Variants in MSH3 observed in about 807,000 individuals in gnomAD.
MSH3 encodes the protein DNA mismatch repair protein Msh3.
A neutral mutation model predicts 123.3 loss-of-function variants in MSH3; 106 were observed. The ratio of observed to expected loss-of-function variants is 0.86; its 90% CI spans 0.73 to 1.01. The LOEUF is 1.01. Ranked by LOEUF, MSH3 falls within the 50% of genes least tolerant of loss-of-function variation. MSH3 has a pLI of 0.00. For synonymous variants in MSH3, 515 were observed against 481.4 expected, an observed-to-expected ratio of 1.07 and a Z score of -0.91; for missense variants, 1,459 against 1,347.6, an observed-to-expected ratio of 1.08 and a Z score of -1.29.
At chr5:80,760,513 C>T (rs570418185) in intron 12 of MSH3, among the ~76,000 whole-genome samples, 75 of 152,252 alleles carry the variant, frequency 4.9e-4, no homozygotes, top group Admixed American at 1.2e-3. Flanking sequence ...AATCTTTGGT[C>T]AGGGTCAATA....
intron 8 of MSH3, among the ~76,000 whole-genome samples, chr5:80,716,571 T>A (rs1008990186): frequency 1.3e-5 from 2 of 152,118 alleles, no homozygotes; most frequent in Non-Finnish European, 2.9e-5. Flanking sequence ...AACACCTTTT[T>A]TGAGAAACTT....
At chr5:80,689,294 A>G (rs540538868) in intron 8 of MSH3, among the ~76,000 whole-genome samples, 2 of 152,170 alleles carry the variant, frequency 1.3e-5, no homozygotes, top group Non-Finnish European at 2.9e-5. Context: ...TACTTTATTT[A>G]GATGTTTCTC....
chr5:80,788,745 G>C (rs1561478970), intron 18 of MSH3, among the ~76,000 whole-genome samples: 1 of 151,320 alleles, frequency 6.6e-6, no homozygotes. Context: ...TGAGGCTGCA[G>C]TGAGCCATGA....
intron 8 of MSH3, among the ~76,000 whole-genome samples, chr5:80,681,824 C>CCA (rs1044204218): frequency 6.6e-6 from 1 of 152,098 alleles, no homozygotes; most frequent in African/African-American, 2.4e-5. Flanking sequence ...AAGCAGCATT[C>CCA]ATTGACTGGT....
chr5:80,677,154 A>G (rs78372327), intron 7 of MSH3, among the ~76,000 whole-genome samples: 41 of 152,208 alleles, frequency 2.7e-4, no homozygotes, highest in African/African-American at 9.2e-4. Flanking sequence ...TACCCTCGAC[A>G]CTGTTTTCCC....
intron 2 of MSH3, among the ~76,000 whole-genome samples, chr5:80,657,234 A>G (rs1749314645): frequency 6.6e-6 from 1 of 152,158 alleles, no homozygotes; most frequent in South Asian, 2.1e-4. Flanking sequence ...TGAGGTCAGG[A>G]GTTTAAGACC....
Position 80,778,754 on chromosome 5 carries a change from A to G in MSH3, c.2353A>G (p.Ile785Val). ...TGTGAGCCGCTTTCACTCTCCTTTT[A>G]TTGTAGAAAATTACAGACATCTGAA... is the stretch of plus-strand genomic sequence containing the variant. Reference protein sequence around the residue: ...KAVSRFHSPFIVENYRHLNQL... With the variant: ...KAVSRFHSPFVVENYRHLNQL... Residue 785 changes from isoleucine (I) to valine (V), a missense_variant, in exon 17 of 24, where the codon ATT (isoleucine) becomes GTT (valine). Ile to Val is a conservative substitution (Grantham distance 29). Transcript: ENST00000265081. 2 of 1,612,690 alleles carry G rather than the reference A, an allele frequency of 1.2e-6. No individual in the cohort carries two copies. The highest frequency in any genetic ancestry group is 1.3e-5 in the African/African-American group (1 of 75,010).
chr5:80,795,540 C>T (rs1360756577), intron 19 of MSH3, among the ~76,000 whole-genome samples: 1 of 152,028 alleles, frequency 6.6e-6, no homozygotes, highest in East Asian at 1.9e-4. Flanking sequence ...TCTCTCAGGC[C>T]CTCATGAACT....
chr5:80,854,352 A>T, intron 21 of MSH3, 36 bp downstream of exon 21: 2 of 1,550,752 alleles, frequency 1.3e-6, no homozygotes, highest in Non-Finnish European at 1.8e-6. Context: ...AAAAGAAATT[A>T]ATTTGTAAAT....
chr5:80,853,570 C>T (rs1745866039), intron 20 of MSH3, among the ~76,000 whole-genome samples: 1 of 152,070 alleles, frequency 6.6e-6, no homozygotes. Flanking sequence ...TTCTTGACAT[C>T]TGTAGGAACT....
chr5:80,714,370 A>G (rs1750916269), intron 8 of MSH3, among the ~76,000 whole-genome samples: 1 of 152,008 alleles, frequency 6.6e-6, no homozygotes. Context: ...TCCTGACCTC[A>G]GGTGATCCGC....
chr5:80,753,470 C>A (rs1434283910), intron 12 of MSH3, among the ~76,000 whole-genome samples: 1 of 152,066 alleles, frequency 6.6e-6, no homozygotes, highest in East Asian at 1.9e-4. Context: ...TAACCATGAA[C>A]AATTGAGGAA....
rs1293705753 is a variant in MSH3, at chr5:80,778,958, CAT to C, written c.2435+123_2435+124del. 3.6e-5 allele frequency: 22 copies of C among 613,588 alleles called. No individual in the cohort carries two copies. In the Middle Eastern group the frequency reaches 1.7e-3, roughly 48 times the overall value. 38.0% of individuals were successfully genotyped at this position (613,588 alleles called of 1,614,324 possible). On this transcript the variant is annotated intron_variant, in intron 17 of 23. Coordinates refer to ENST00000265081, the MANE Select transcript of MSH3 (RefSeq NM_002439.5). ...TGACCCACCATAAAATAGTTGAGTA[CAT>C]GTGTTCTCTGATTTTATTTCTTTTT... is the stretch of plus-strand genomic sequence containing the variant.
chr5:80,733,141 A>T (rs1157864540), intron 10 of MSH3, among the ~76,000 whole-genome samples: 2 of 152,184 alleles, frequency 1.3e-5, no homozygotes, highest in African/African-American at 2.4e-5. Context: ...AAGCACAGAC[A>T]TGTGATCAAT....
At chr5:80,851,166 C>G (rs761088727) in intron 20 of MSH3, among the ~76,000 whole-genome samples, 1 of 151,892 alleles carries the variant, frequency 6.6e-6, no homozygotes, top group East Asian at 1.9e-4. Context: ...ATCAAGAACA[C>G]ATTTGTACAT....
chr5:80,755,873 G>A (rs1340549335), intron 12 of MSH3, among the ~76,000 whole-genome samples: 1 of 152,172 alleles, frequency 6.6e-6, no homozygotes, highest in African/African-American at 2.4e-5. Flanking sequence ...GTCTTGACCT[G>A]TTCTTGCCTG....
rs879064574 is a variant in MSH3, at chr5:80,767,948, T to A, written c.1912T>A (p.Phe638Ile). The A allele has an allele frequency of 1.9e-6, 3 of 1,610,288 alleles. No individual in the cohort carries two copies. In the South Asian group the frequency reaches 3.3e-5, roughly 18 times the overall value. Reference protein sequence around the residue: ...IYHKKCSTQEFFLIVKTLYHL... With the variant: ...IYHKKCSTQEIFLIVKTLYHL... ...CTATTTTCAGTGTTCTACCCAAGAG[T>A]TCTTCTTGATTGTCAAAACTTTATA... Residue 638 changes from phenylalanine to isoleucine, a missense_variant, in exon 14 of 24, where the codon TTC (phenylalanine) becomes ATC (isoleucine). Transcript: ENST00000265081.
intron 18 of MSH3, 104 bp downstream of exon 18, chr5:80,787,776 T>C (rs1744535745): frequency 2.5e-6 from 2 of 811,748 alleles, no homozygotes; most frequent in Non-Finnish European, 2.1e-6. Flanking sequence ...TACTCAAATG[T>C]GTTAGACTCT....
intron 19 of MSH3, among the ~76,000 whole-genome samples, chr5:80,805,651 G>C (rs1744876418): frequency 8.0e-6 from 1 of 125,648 alleles, no homozygotes; most frequent in South Asian, 2.4e-4. Context: ...CTGGAGTACA[G>C]TGTCTCAATC....
Sources: allele counts gnomAD v4.1 joint callset (sites outside exome capture counted in the v4.1 genomes callset), GRCh38; gene constraint gnomAD v4.1.1; transcripts MANE v1.5; gene names NCBI Gene and HGNC (gene_info 2026-07-23, HGNC 2026-07-21).